Variants in RFX7 observed in about 807,000 individuals in gnomAD.
The protein encoded by RFX7 is DNA-binding protein RFX7.
In RFX7, 26 loss-of-function variants were observed where a neutral mutation model predicts 111.8. The observed-to-expected ratio is 0.23, with a 90% confidence interval of 0.17 to 0.32. The LOEUF (loss-of-function observed/expected upper bound fraction) is 0.32. Ranked by LOEUF, RFX7 falls within the 10% of genes least tolerant of loss-of-function variation. RFX7 has a pLI of 1.00. For synonymous variants in RFX7, 624 were observed against 624.4 expected, an observed-to-expected ratio of 1.00 and a Z score of 0.01; for missense variants, 1,573 against 1,772.9, an observed-to-expected ratio of 0.89 and a Z score of 2.02.
intron 2 of RFX7, among the ~76,000 whole-genome samples, chr15:56,218,258 A>G (rs1364572825): frequency 2.9e-5 from 4 of 139,442 alleles, no homozygotes; most frequent in African/African-American, 1.1e-4. Flanking sequence ...GGGTTCAAGC[A>G]ATTCTCCTGC....
rs1248154558 is a variant in RFX7, at chr15:56,089,214, G to T, written c.*4131C>A. On this transcript the variant is annotated 3_prime_UTR_variant, in exon 10 of 10. Transcript: ENST00000559447. ...TGTGTGTATGGAGTGCTTAATGGAA[G>T]ATTCTGAGATTTTTTTTTCTCTCTG... 1 of 152,418 alleles carries T rather than the reference G, an allele frequency of 6.6e-6. No homozygotes were observed. Among genetic ancestry groups the T allele is most frequent in the Non-Finnish European group, 1.5e-5 (1 of 68,058 alleles). The allele number at this position is 152,418 out of a possible 1,614,324, so 9.4% of individuals were successfully genotyped here.
chr15:56,194,593 T>C (rs1362333586), intron 2 of RFX7, among the ~76,000 whole-genome samples: 1 of 152,136 alleles, frequency 6.6e-6, no homozygotes, highest in Admixed American at 6.5e-5. Flanking sequence ...CTTTTACTTT[T>C]GTTTGCTCAT....
At position 56,092,268 on chromosome 15, in the gene RFX7, G is replaced by A. The variant is rs1214950737; in HGVS notation, c.*1077C>T. On this transcript the variant is annotated 3_prime_UTR_variant, in exon 10 of 10. Transcript: ENST00000559447. ...TTTGTGGCTTCAGACCTTAGGTGGT[G>A]AAATGTTTTTTGTTGTTTTTTATGT... is the stretch of plus-strand genomic sequence containing the variant. 2 of 152,474 alleles carry A rather than the reference G, an allele frequency of 1.3e-5. No homozygotes were observed. Among genetic ancestry groups the A allele is most frequent in the African/African-American group, 2.4e-5 (1 of 41,418 alleles). 9.4% of individuals were successfully genotyped at this position (152,474 alleles called of 1,614,324 possible).
At chr15:56,227,349 C>T (rs571227170) in intron 2 of RFX7, among the ~76,000 whole-genome samples, 1 of 152,236 alleles carries the variant, frequency 6.6e-6, no homozygotes, top group Admixed American at 6.5e-5. Context: ...TTAAAACATC[C>T]ACACTTGAAA....
At chr15:56,121,444 G>A (rs1181704909) in intron 5 of RFX7, among the ~76,000 whole-genome samples, 1 of 152,140 alleles carries the variant, frequency 6.6e-6, no homozygotes, top group African/African-American at 2.4e-5. Flanking sequence ...TATAGGGCAA[G>A]AGATAGGGGT....
At chr15:56,207,414 A>G (rs2043265473) in intron 2 of RFX7, among the ~76,000 whole-genome samples, 1 of 152,204 alleles carries the variant, frequency 6.6e-6, no homozygotes. Flanking sequence ...CTTAAAAATG[A>G]CTAAAGTGGT....
At chr15:56,124,926 T>C (rs1291997471) in intron 5 of RFX7, among the ~76,000 whole-genome samples, 1 of 152,216 alleles carries the variant, frequency 6.6e-6, no homozygotes, top group African/African-American at 2.4e-5. Flanking sequence ...ATTCATAAAA[T>C]CTTTTTGCAG....
chr15:56,154,984 C>T lies in RFX7; in HGVS notation c.196-10501G>A, dbSNP rs145197213. On this transcript the variant is annotated intron_variant, in intron 3 of 9. Transcript: ENST00000559447. Reference sequence around the variant, plus strand: ...GGGCAAAGGGTATGAACAGACACTTCTCGAAAGAAGACATTTATGCAGCCA... The same window carrying T: ...GGGCAAAGGGTATGAACAGACACTTTTCGAAAGAAGACATTTATGCAGCCA... Among the ~76,000 whole-genome samples the T allele has an allele frequency of 9.5e-3, 1,443 of 152,264 alleles. 23 individuals are homozygous for T. Among genetic ancestry groups the T allele is most frequent in the African/African-American group, 0.034 (1,395 of 41,544 alleles).
rs116702337 is a variant in RFX7, at chr15:56,114,775, T to C, written c.402-11105A>G. ...CTTTCCTTTCCATCATTTTGGCTAA[T>C]AATCCTACAAAAAAGATTCAGTCAT... On this transcript the variant is annotated intron_variant, in intron 5 of 9. Transcript: ENST00000559447. Among the ~76,000 whole-genome samples, 693 of 152,220 alleles carry C rather than the reference T, an allele frequency of 4.6e-3. 9 individuals carry two copies. Among genetic ancestry groups the C allele is most frequent in the African/African-American group, 0.016 (661 of 41,534 alleles).
intron 2 of RFX7, among the ~76,000 whole-genome samples, chr15:56,217,436 T>C (rs2043374052): frequency 6.7e-6 from 1 of 149,472 alleles, no homozygotes; most frequent in South Asian, 2.1e-4. Context: ...TTTTTTTTTC[T>C]ACAATACTCC....
chr15:56,111,909 G>A (rs1247214859), intron 5 of RFX7, among the ~76,000 whole-genome samples: 1 of 151,968 alleles, frequency 6.6e-6, no homozygotes, highest in Admixed American at 6.6e-5. Flanking sequence ...GAGGTCAGGA[G>A]GTCGAGACCA....
chr15:56,213,100 A>G (rs2043329119), intron 2 of RFX7, among the ~76,000 whole-genome samples: 4 of 152,218 alleles, frequency 2.6e-5, no homozygotes, highest in Admixed American at 2.6e-4. Context: ...CATTCTGGAA[A>G]AGTTTTGCTA....
chr15:56,133,390 A>G (rs1280103490), intron 5 of RFX7, among the ~76,000 whole-genome samples: 4 of 152,084 alleles, frequency 2.6e-5, no homozygotes, highest in Non-Finnish European at 5.9e-5. Context: ...ATGACTATTA[A>G]AGGGATTTTG....
At chr15:56,190,363 G>C (rs1392303565) in intron 2 of RFX7, among the ~76,000 whole-genome samples, 4 of 152,150 alleles carry the variant, frequency 2.6e-5, no homozygotes, top group Non-Finnish European at 5.9e-5. Context: ...TTAGGCTGAA[G>C]GAAATATCAC....
chr15:56,099,148 G>A (rs896919962), intron 8 of RFX7, among the ~76,000 whole-genome samples: 1 of 152,112 alleles, frequency 6.6e-6, no homozygotes, highest in Non-Finnish European at 1.5e-5. Context: ...GATTTAGGGC[G>A]TGGCATTGAG....
chr15:56,169,911 A>G (rs781195809), intron 3 of RFX7, among the ~76,000 whole-genome samples: 2 of 151,766 alleles, frequency 1.3e-5, no homozygotes, highest in African/African-American at 2.4e-5. Context: ...AGAATGGCAG[A>G]AACAGAAAAA....
At chr15:56,135,880 C>G (rs1173182420) in intron 5 of RFX7, among the ~76,000 whole-genome samples, 1 of 152,144 alleles carries the variant, frequency 6.6e-6, no homozygotes, top group African/African-American at 2.4e-5. Flanking sequence ...GGAATCCTTT[C>G]CCCATTGCTT....
intron 5 of RFX7, among the ~76,000 whole-genome samples, chr15:56,115,953 A>T (rs1220728248): frequency 1.3e-5 from 2 of 152,136 alleles, no homozygotes; most frequent in Non-Finnish European, 2.9e-5. Flanking sequence ...AAAAAAAAAA[A>T]AAAAAATTTA....
At chr15:56,159,294 T>C (rs565167890) in intron 3 of RFX7, among the ~76,000 whole-genome samples, 1 of 152,336 alleles carries the variant, frequency 6.6e-6, no homozygotes, top group South Asian at 2.1e-4. Flanking sequence ...GAATAAGGCT[T>C]CAACGAACTT....
Sources: gnomAD v4.1 joint callset for allele counts (sites outside exome capture counted in the v4.1 genomes callset) on GRCh38, gnomAD v4.1.1 for gene constraint, MANE v1.5 for transcripts, NCBI Gene and HGNC (gene_info 2026-07-23, HGNC 2026-07-21) for gene names.